The following EIF3B variants were observed in gnomAD, a reference collection of about 807,000 sequenced individuals.
EIF3B encodes the protein eukaryotic translation initiation factor 3 subunit 9.
A neutral mutation model predicts 104.6 loss-of-function variants in EIF3B; 10 were observed. That is an observed-to-expected ratio of 0.10 (90% CI 0.06 to 0.16). The LOEUF (loss-of-function observed/expected upper bound fraction) is 0.16. EIF3B is among the 10% of genes least tolerant of loss of function. The pLI is 1.00. For synonymous variants in EIF3B, 542 were observed against 417.2 expected, an observed-to-expected ratio of 1.30 and a Z score of -3.65; for missense variants, 1,014 against 1,087.9, an observed-to-expected ratio of 0.93 and a Z score of 0.96.
chr7:2,379,480 C>A lies in EIF3B; in HGVS notation c.2428C>A (p.Leu810Ile). The A allele has an allele frequency of 6.3e-7, 1 of 1,576,474 alleles. No homozygotes were observed. Among genetic ancestry groups the A allele is most frequent in the Non-Finnish European group, 8.6e-7 (1 of 1,160,306 alleles). ...CTTCGTCACTGAAGAAATCATTCCC[C>A]TCGGGAATCAGGAGTGACCTGGAGC... ...EFFVTEEIIPLGNQE is the reference protein window; with the variant it reads ...EFFVTEEIIPIGNQE The change falls in exon 18 of 19, where the codon CTC becomes ATC. Residue 810 changes from leucine (L) to isoleucine (I), a missense_variant. Coordinates refer to ENST00000360876, the MANE Select transcript of EIF3B (RefSeq NM_001037283.2).
At position 2,369,765 on chromosome 7, in the gene EIF3B, ATTTTTTTTTTTTTT is replaced by A. The variant is rs552367791; in HGVS notation, c.1614+100_1614+113del. ...CGTATTGTTTGGAGGGTGTTAATGG[ATTTTTTTTTTTTTT>A]TTTTTTTTTTTTTTTTGAGATGGAG... is the stretch of plus-strand genomic sequence containing the variant. On this transcript the variant is annotated intron_variant, in intron 10 of 18. Transcript: ENST00000360876. 499 of 366,240 alleles carry A rather than the reference ATTTTTTTTTTTTTT, an allele frequency of 1.4e-3. 4 individuals carry two copies. The African/African-American group carries it at 0.021, about 15-fold the overall frequency. The allele number at this position is 366,240 out of a possible 1,614,324, so 22.7% of individuals were successfully genotyped here.
At chr7:2,374,651 C>G (rs763474287) in intron 13 of EIF3B, 45 bp downstream of exon 13, 6 of 1,576,970 alleles carry the variant, frequency 3.8e-6, no homozygotes, top group African/African-American at 2.7e-5. Flanking sequence ...GAGTAGCGCT[C>G]TGCTGTGGCA....
Position 2,380,201 on chromosome 7 carries a change from C to T in EIF3B, c.*15-3C>T. ...TTTAGGGCCGCCATGCCTGTCTATC[C>T]AGGGGACGGACTCCGCCTGCTGTTC... On this transcript the variant is annotated splice_polypyrimidine_tract_variant and splice_region_variant and intron_variant, in intron 18 of 18. Coordinates refer to ENST00000360876, the MANE Select transcript of EIF3B (RefSeq NM_001037283.2). The T allele has an allele frequency of 2.7e-6, 1 of 370,296 alleles. No homozygotes were observed. Among genetic ancestry groups the T allele is most frequent in the South Asian group, 2.0e-5 (1 of 50,204 alleles). 22.9% of individuals were successfully genotyped at this position (370,296 alleles called of 1,614,324 possible).
rs940823083 is a variant in EIF3B at position 2,366,655 on chromosome 7, CT to C, written c.1356+67del. On this transcript the variant is annotated intron_variant, in intron 8 of 18. Transcript: ENST00000360876. ...CTTGCTTGTAACCGGGGTGTGGTGC[CT>C]TTCCTTATTTGTGCTAGAAGAGGAG... The C allele has an allele frequency of 3.2e-6, 5 of 1,574,816 alleles. No individual in the cohort carries two copies. In the African/African-American group the frequency reaches 4.1e-5, roughly 13 times the overall value.
intron 1 of EIF3B, among the ~76,000 whole-genome samples, chr7:2,359,454 G>C (rs966395191): frequency 6.6e-6 from 1 of 152,324 alleles, no homozygotes; most frequent in African/African-American, 2.4e-5. Context: ...AGGTTCAGGG[G>C]CTCCATGCAG....
rs140288121 is a variant in EIF3B at position 2,362,663 on chromosome 7, C to T, written c.711C>T (p.Tyr237=). 6.2e-4 allele frequency: 1,004 copies of T among 1,614,206 alleles called. 5 individuals are homozygous for T. The African/African-American group carries it at 9.5e-3, about 15-fold the overall frequency. The change falls in exon 3 of 19, where the codon TAC becomes TAT. Residue 237 remains tyrosine, a synonymous_variant. Coordinates refer to ENST00000360876, the MANE Select transcript of EIF3B (RefSeq NM_001037283.2). ...CACTCAGGTATATTTTCCTGGAGTA[C>T]GCGTCCCCTGCCCACGCTGTGGATG... The part of the protein sequence containing the change: ...GKTKGYIFLE[Y]ASPAHAVDAV...
At chr7:2,374,651 C>T in intron 13 of EIF3B, 45 bp downstream of exon 13, 1 of 1,577,088 alleles carries the variant, frequency 6.3e-7, no homozygotes, top group Non-Finnish European at 8.7e-7. Context: ...GAGTAGCGCT[C>T]TGCTGTGGCA....
At chr7:2,363,796 C>G in intron 5 of EIF3B, 36 bp downstream of exon 5, 2 of 1,601,010 alleles carry the variant, frequency 1.2e-6, no homozygotes, top group Middle Eastern at 1.7e-4. Flanking sequence ...GGGGACTCAC[C>G]TCTCCTGTAT....
chr7:2,375,548 G>GT (rs757067038), intron 14 of EIF3B, 21 bp downstream of exon 14: 1 of 1,613,924 alleles, frequency 6.2e-7, no homozygotes, highest in South Asian at 1.1e-5. Flanking sequence ...GTGGGGCATA[G>GT]TTTTGACTGT....
chr7:2,362,603 CCTT>C (rs774939354), intron 2 of EIF3B, 39 bp from the exon 3 acceptor site: 1 of 1,612,564 alleles, frequency 6.2e-7, no homozygotes, highest in East Asian at 2.2e-5. Flanking sequence ...ACCTGCCTAG[CCTT>C]ACAGTGTGGG....
intron 9 of EIF3B, among the ~76,000 whole-genome samples, chr7:2,368,548 T>A (rs1290392016): frequency 6.6e-6 from 1 of 152,228 alleles, no homozygotes; most frequent in African/African-American, 2.4e-5. Flanking sequence ...ACCACTTCAG[T>A]GACCCCTTCC....
rs115020462 is a variant in EIF3B at position 2,379,947 on chromosome 7, C to A, written c.*15-257C>A. ...GCTGGGGAGCAGAGTGCGGGAGCTC[C>A]TGAGTCCTGGGGGCCTCCGCGCCTC... On this transcript the variant is annotated intron_variant, in intron 18 of 18. Coordinates refer to ENST00000360876, the MANE Select transcript of EIF3B (RefSeq NM_001037283.2). 699 of 256,596 alleles carry A rather than the reference C, an allele frequency of 2.7e-3. 4 individuals carry two copies. Among genetic ancestry groups the A allele is most frequent in the African/African-American group, 0.015 (648 of 44,116 alleles). The allele number at this position is 256,596 out of a possible 1,614,324, so 15.9% of individuals were successfully genotyped here. A position where few individuals can be genotyped will look rare whatever the true frequency, so the allele number is the denominator to read the frequency against.
intron 1 of EIF3B, among the ~76,000 whole-genome samples, chr7:2,357,025 C>T (rs1031521237): frequency 6.6e-6 from 1 of 152,154 alleles, no homozygotes; most frequent in African/African-American, 2.4e-5. Context: ...CCACCAGACT[C>T]TCCTGCTCAG....
Position 2,366,365 on chromosome 7 carries a change from G to C in EIF3B, c.1206G>C (p.Gln402His). 1 of 1,613,906 alleles carries C rather than the reference G, an allele frequency of 6.2e-7. No homozygotes were observed. The highest frequency in any genetic ancestry group is 8.5e-7 in the Non-Finnish European group (1 of 1,179,938). ...SPLMDTQDDPQAIIIWDILTG... is the reference protein window; with the variant it reads ...SPLMDTQDDPHAIIIWDILTG... ...TGATGGACACGCAGGATGACCCTCAGGCCATAATCATCTGGGACATCCTTA... is the reference window on the plus strand; with the variant it reads ...TGATGGACACGCAGGATGACCCTCACGCCATAATCATCTGGGACATCCTTA... Residue 402 changes from glutamine to histidine, a missense_variant, in exon 7 of 19, where the codon CAG becomes CAC. By Grantham distance (24) the Gln-to-His change is conservative. Around this residue, in one of 4 missense-constraint regions of EIF3B, gnomAD observed 201 missense variants for 240.7 expected, o/e 0.83. Coordinates refer to ENST00000360876, the MANE Select transcript of EIF3B (RefSeq NM_001037283.2).
intron 16 of EIF3B, 115 bp from the exon 17 acceptor site, chr7:2,379,019 T>C: frequency 1.1e-6 from 1 of 884,918 alleles, no homozygotes; most frequent in South Asian, 1.6e-5. Flanking sequence ...TAGCCATTCC[T>C]GCTTGAGTGC....
At chr7:2,368,274 C>T (rs1260908318) in intron 9 of EIF3B, among the ~76,000 whole-genome samples, 1 of 152,034 alleles carries the variant, frequency 6.6e-6, no homozygotes, top group Non-Finnish European at 1.5e-5. Flanking sequence ...TCCTGAGTAG[C>T]TGGAATTACA....
chr7:2,374,753 T>A, intron 13 of EIF3B, 147 bp downstream of exon 13: 1 of 691,658 alleles, frequency 1.4e-6, no homozygotes, highest in Non-Finnish European at 2.4e-6. Flanking sequence ...AGGACTTCAT[T>A]GAACCTCTGC....
chr7:2,362,972 G>C (rs759751241), intron 3 of EIF3B, 98 bp from the exon 4 acceptor site: 10 of 1,495,038 alleles, frequency 6.7e-6, no homozygotes, highest in South Asian at 1.1e-5. Context: ...CCCTGGGGGC[G>C]GGCAGGCAGG....
chr7:2,367,167 C>G, intron 9 of EIF3B, 122 bp downstream of exon 9: 1 of 985,446 alleles, frequency 1.0e-6, no homozygotes, highest in Non-Finnish European at 1.5e-6. Context: ...ATTTCTTTCT[C>G]CCAGTTCTGG....
Sources: gnomAD v4.1 joint callset for allele counts (sites outside exome capture counted in the v4.1 genomes callset) on GRCh38, gnomAD v4.1.1 for gene constraint, gnomAD v4.1.1 regional missense constraint, MANE v1.5 for transcripts, NCBI Gene and HGNC (gene_info 2026-07-23, HGNC 2026-07-21) for gene names.